CLEC2D: variants seen among roughly 807,000 people sequenced by gnomAD.
The protein encoded by CLEC2D is C-type lectin related f.
In CLEC2D, 16 loss-of-function variants were observed where a neutral mutation model predicts 20.0. The observed-to-expected ratio is 0.80, with a 90% CI of 0.54 to 1.22. The LOEUF is 1.22. Ranked by LOEUF, CLEC2D falls within the 50% of genes most tolerant of loss-of-function variation. CLEC2D has a pLI of 0.00. For missense variants in CLEC2D, 207 were observed against 221.5 expected (o/e 0.93, Z 0.42); for synonymous variants, 77 against 71.1 (o/e 1.08, Z -0.42).
At chr12:9,672,405 A>G (rs766656390) in intron 1 of CLEC2D, among the ~76,000 whole-genome samples, 11 of 152,346 alleles carry the variant, frequency 7.2e-5, no homozygotes, top group African/African-American at 2.6e-4. Flanking sequence ...ATTTATTACA[A>G]TTAATAACCT....
intron 1 of CLEC2D, among the ~76,000 whole-genome samples, chr12:9,678,491 C>G (rs1045916621): frequency 6.6e-6 from 1 of 151,888 alleles, no homozygotes; most frequent in African/African-American, 2.4e-5. Context: ...TACCATATTT[C>G]TTTCTGTTTT....
At position 9,697,453 on chromosome 12, in the gene CLEC2D, T is replaced by C. The variant is rs1866023572; in HGVS notation, c.*2579T>C. On this transcript the variant is annotated 3_prime_UTR_variant, in exon 5 of 5. Transcript: ENST00000290855. ...ACAATGCTAATGACTGGCTTGCTGT[T>C]AATAAATACATGGGTAAATCTCTGT... The C allele has an allele frequency of 6.6e-6, 1 of 152,184 alleles. No homozygotes were observed. The highest frequency in any genetic ancestry group is 2.4e-5 in the African/African-American group (1 of 41,436). The allele number at this position is 152,184 out of a possible 1,614,324, so 9.4% of individuals were successfully genotyped here. A position where few individuals can be genotyped will look rare whatever the true frequency, so the allele number is the denominator to read the frequency against.
rs187335288 is a variant in CLEC2D, at chr12:9,698,877, A to G, written c.*4003A>G. The G allele has an allele frequency of 2.0e-5, 3 of 152,306 alleles. 1 individual carries two copies. The highest frequency in any genetic ancestry group is 2.0e-4 in the Admixed American group (3 of 15,280). 9.4% of individuals were successfully genotyped at this position (152,306 alleles called of 1,614,324 possible). A position where few individuals can be genotyped will look rare whatever the true frequency, so the allele number is the denominator to read the frequency against. ...TCTTAATCCTCTGTTTTCCCAGAGCACAGGAGGAAGTTCTCTGAAGTTCCT... is the reference window on the plus strand; with the variant it reads ...TCTTAATCCTCTGTTTTCCCAGAGCGCAGGAGGAAGTTCTCTGAAGTTCCT... On this transcript the variant is annotated 3_prime_UTR_variant, in exon 5 of 5. Transcript: ENST00000290855.
intron 3 of CLEC2D, among the ~76,000 whole-genome samples, chr12:9,692,097 CTT>C (rs1003083708): frequency 1.3e-3 from 199 of 149,814 alleles, no homozygotes; most frequent in South Asian, 1.9e-3. Context: ...TTTTCTTTCT[CTT>C]TCTTTCTTTC....
chr12:9,674,440 A>G (rs1052424655), intron 1 of CLEC2D, among the ~76,000 whole-genome samples: 5 of 152,202 alleles, frequency 3.3e-5, no homozygotes, highest in African/African-American at 9.7e-5. Flanking sequence ...CAGCTGCCCA[A>G]TGAGATGAAC....
chr12:9,673,455 G>T (rs755879383), intron 1 of CLEC2D, among the ~76,000 whole-genome samples: 2 of 152,372 alleles, frequency 1.3e-5, no homozygotes, highest in South Asian at 4.1e-4. Context: ...AGGGGCACTG[G>T]CCTGATGCCA....
At position 9,699,269 on chromosome 12, in the gene CLEC2D, C is replaced by G. The variant is rs1165251881; in HGVS notation, c.*4395C>G. 6.6e-6 allele frequency: 1 copy of G among 152,102 alleles called. No individual in the cohort carries two copies. The highest frequency in any genetic ancestry group is 1.5e-5 in the Non-Finnish European group (1 of 68,022). 9.4% of individuals were successfully genotyped at this position (152,102 alleles called of 1,614,324 possible). A position where few individuals can be genotyped will look rare whatever the true frequency, so the allele number is the denominator to read the frequency against. On this transcript the variant is annotated 3_prime_UTR_variant, in exon 5 of 5. Coordinates refer to ENST00000290855, the MANE Select transcript of CLEC2D (RefSeq NM_013269.6). ...TTTTATAGATTTGTTTGCCATTTAT[C>G]CTATTAATCTGCATTCTGTCAATTG...
At chr12:9,685,756 A>G (rs1402573963) in intron 2 of CLEC2D, among the ~76,000 whole-genome samples, 1 of 152,208 alleles carries the variant, frequency 6.6e-6, no homozygotes, top group Non-Finnish European at 1.5e-5. Context: ...GCTGGCAGCA[A>G]GAATTTCCAG....
chr12:9,683,662 T>G (rs959048910), intron 2 of CLEC2D, among the ~76,000 whole-genome samples: 1 of 152,162 alleles, frequency 6.6e-6, no homozygotes, highest in Admixed American at 6.5e-5. Flanking sequence ...TTTGTCAGGT[T>G]TGTCAAAGAT....
chr12:9,692,751 A>T, intron 3 of CLEC2D, 77 bp from the exon 4 acceptor site: 2 of 927,748 alleles, frequency 2.2e-6, no homozygotes, highest in African/African-American at 1.7e-5. Flanking sequence ...AGTTAAGAAT[A>T]TAGCATAGCA....
intron 2 of CLEC2D, among the ~76,000 whole-genome samples, chr12:9,687,639 C>A (rs1025980897): frequency 6.6e-6 from 1 of 152,168 alleles, no homozygotes; most frequent in South Asian, 2.1e-4. Flanking sequence ...CAAATAGATA[C>A]ATGGCCCAGA....
rs990575299 is a variant in CLEC2D at position 9,697,253 on chromosome 12, G to T, written c.*2379G>T. ...AATGAGGGCAAGGAACACCTGGCCT[G>T]CCCAGGGTGGAAAACCACTTAAAGG... On this transcript the variant is annotated 3_prime_UTR_variant, in exon 5 of 5. Transcript: ENST00000290855. 6.6e-6 allele frequency: 1 copy of T among 152,256 alleles called. No individual in the cohort carries two copies. Among genetic ancestry groups the T allele is most frequent in the East Asian group, 1.9e-4 (1 of 5,182 alleles). 9.4% of individuals were successfully genotyped at this position (152,256 alleles called of 1,614,324 possible).
At chr12:9,674,396 C>T (rs1297225923) in intron 1 of CLEC2D, among the ~76,000 whole-genome samples, 1 of 152,198 alleles carries the variant, frequency 6.6e-6, no homozygotes, top group Admixed American at 6.5e-5. Context: ...AATGACACCC[C>T]ACCTGCTTTC....
At position 9,695,993 on chromosome 12, in the gene CLEC2D, C is replaced by T; in HGVS notation, c.*1119C>T. The stretch of plus-strand genomic sequence containing the variant: ...AATCAGAATGGAAAAGACTCAAAAC[C>T]ATCATCAACACCAAGATCAAAAGGA... On this transcript the variant is annotated 3_prime_UTR_variant, in exon 5 of 5. Transcript: ENST00000290855. The T allele has an allele frequency of 2.6e-6, 4 of 1,546,728 alleles. No individual in the cohort carries two copies. The South Asian group carries it at 4.4e-5, about 17-fold the overall frequency.
chr12:9,676,970 T>G (rs6488121), intron 1 of CLEC2D, among the ~76,000 whole-genome samples: 1 of 151,888 alleles, frequency 6.6e-6, no homozygotes. Context: ...TAACAACTCC[T>G]TATTTATTTC....
intron 2 of CLEC2D, among the ~76,000 whole-genome samples, chr12:9,681,409 A>G (rs1056774441): frequency 6.6e-6 from 1 of 152,216 alleles, no homozygotes; most frequent in Non-Finnish European, 1.5e-5. Context: ...GGTTTAAAGT[A>G]CACAAAACTA....
intron 1 of CLEC2D, among the ~76,000 whole-genome samples, chr12:9,674,931 T>A (rs1311869882): frequency 6.6e-6 from 1 of 152,178 alleles, no homozygotes; most frequent in African/African-American, 2.4e-5. Context: ...TCTACGAGTT[T>A]TACAGTTTTG....
rs1372149096 is a variant in CLEC2D at position 9,698,211 on chromosome 12, A to C, written c.*3337A>C. The C allele has an allele frequency of 3.3e-5, 5 of 152,038 alleles. No individual in the cohort carries two copies. Among genetic ancestry groups the C allele is most frequent in the Admixed American group, 1.3e-4 (2 of 15,264 alleles). The allele number at this position is 152,038 out of a possible 1,614,324, so 9.4% of individuals were successfully genotyped here. A position where few individuals can be genotyped will look rare whatever the true frequency, so the allele number is the denominator to read the frequency against. On this transcript the variant is annotated 3_prime_UTR_variant, in exon 5 of 5. Transcript: ENST00000290855. Reference sequence around the variant, plus strand: ...AAACTAACATTTCATCATCTCACATACTTATCATTTTCTGTGGTGAGAACA... The same window carrying C: ...AAACTAACATTTCATCATCTCACATCCTTATCATTTTCTGTGGTGAGAACA...
intron 1 of CLEC2D, among the ~76,000 whole-genome samples, chr12:9,670,833 G>T (rs1865403273): frequency 6.6e-6 from 1 of 152,204 alleles, no homozygotes; most frequent in South Asian, 2.1e-4. Context: ...GCATCAACCA[G>T]GGGTGAAATT....
Sources: allele counts gnomAD v4.1 joint callset (sites outside exome capture counted in the v4.1 genomes callset), GRCh38; gene constraint gnomAD v4.1.1; transcripts MANE v1.5; gene names NCBI Gene and HGNC (gene_info 2026-07-23, HGNC 2026-07-21).